Variants in FOXM1 observed in about 807,000 individuals in gnomAD.
FOXM1 encodes the protein forkhead box M1, also known as forkhead box protein M1.
A neutral mutation model predicts 63.6 loss-of-function variants in FOXM1; 25 were observed. The observed-to-expected ratio is 0.39, with a 90% confidence interval of 0.29 to 0.55. The LOEUF is 0.55. FOXM1 is among the 20% of genes least tolerant of loss of function. The pLI, the probability that FOXM1 is intolerant of heterozygous loss-of-function variation, is 0.60. For synonymous variants in FOXM1, 387 were observed against 376.9 expected (o/e 1.03, Z -0.31); for missense variants, 879 against 958.7 (o/e 0.92, Z 1.10).
Position 2,874,303 on chromosome 12 carries a change from G to A in FOXM1, c.176C>T (p.Pro59Leu). The change falls in exon 2 of 9, where the codon CCA becomes CTA. Residue 59 changes from proline to leucine, a missense_variant. Physicochemically the swap from Pro to Leu is moderately conservative, Grantham distance 98. Around this residue, in one of 4 missense-constraint regions of FOXM1, gnomAD observed 255 missense variants for 292.4 expected, o/e 0.87. Coordinates refer to ENST00000359843, the MANE Select transcript of FOXM1 (RefSeq NM_021953.4). This position sits in a 1 kb window ranked among gnomAD's most constrained non-coding sequence, Gnocchi z 4.3. ...GTGGTTAATAATCTTGATCCCAGCT[G>A]GAAACTTGCAAGAGTTGGACTCTGC... is the stretch of plus-strand genomic sequence containing the variant. Reference protein sequence around the residue: ...EVAESNSCKFPAGIKIINHPT... With the variant: ...EVAESNSCKFLAGIKIINHPT... 2 of 1,614,132 alleles carry A rather than the reference G, an allele frequency of 1.2e-6. No individual in the cohort carries two copies. The highest frequency in any genetic ancestry group is 1.1e-5 in the South Asian group (1 of 91,078).
rs1214228509 is a variant in FOXM1, at chr12:2,857,924, T to A, written c.*714A>T. 2.0e-5 allele frequency: 3 copies of A among 152,470 alleles called. No homozygotes were observed. The East Asian group carries it at 5.8e-4, about 29-fold the overall frequency. 9.4% of individuals were successfully genotyped at this position (152,470 alleles called of 1,614,324 possible). A position where few individuals can be genotyped will look rare whatever the true frequency, so the allele number is the denominator to read the frequency against. On this transcript the variant is annotated 3_prime_UTR_variant, in exon 9 of 9. Coordinates refer to ENST00000359843, the MANE Select transcript of FOXM1 (RefSeq NM_021953.4). ...ATAGCGCACATCTGGGCACCCACACTCTGCTTCAGTTGCATCCATCCTCCC... is the reference window on the plus strand; with the variant it reads ...ATAGCGCACATCTGGGCACCCACACACTGCTTCAGTTGCATCCATCCTCCC...
chr12:2,862,355 T>C (rs541579728), intron 8 of FOXM1, among the ~76,000 whole-genome samples: 98 of 152,136 alleles, frequency 6.4e-4, no homozygotes, highest in African/African-American at 2.2e-3. Context: ...ACCAGTTATC[T>C]TGGGAGTAGG....
In FOXM1 at chr12:2,859,600, G is replaced by T; in HGVS notation, c.1330C>A (p.Leu444Ile). The T allele has an allele frequency of 6.2e-7, 1 of 1,613,432 alleles. No individual in the cohort carries two copies. The highest frequency in any genetic ancestry group is 8.5e-7 in the Non-Finnish European group (1 of 1,179,812). ...GGAGAAAACCCTTCTCCAAACAGGA[G>T]TTTCTCCTCTTTCCCTGGTCCTGCA... ...SSAGPGKEEK[L>I]LFGEGFSPLL... The change falls in exon 9 of 9, where the codon CTC (leucine) becomes ATC (isoleucine). Residue 444 changes from leucine to isoleucine, a missense_variant. This residue lies in a region of FOXM1 where 486 missense variants were observed against 453.5 expected (regional missense o/e 1.07). Coordinates refer to ENST00000359843, the MANE Select transcript of FOXM1 (RefSeq NM_021953.4).
intron 4 of FOXM1, among the ~76,000 whole-genome samples, chr12:2,867,812 C>T (rs1034910774): frequency 6.9e-6 from 1 of 145,226 alleles, no homozygotes; most frequent in African/African-American, 2.6e-5. Flanking sequence ...ACTGTCTCTA[C>T]TAAAAATACA....
Position 2,870,957 on chromosome 12 carries a change from C to CAAAAAAAAAA in FOXM1, c.654+1129_654+1138dup, listed in dbSNP as rs11310343. Among the ~76,000 whole-genome samples the CAAAAAAAAAA allele has an allele frequency of 1.3e-4, 5 of 39,112 alleles. 1 individual carries two copies. Among genetic ancestry groups the CAAAAAAAAAA allele is most frequent in the African/African-American group, 4.4e-4 (5 of 11,238 alleles). 25.7% of individuals were successfully genotyped at this position (39,112 alleles called of 152,430 possible). ...TAGGAGACAGAGAAAGACTACGTCT[C>CAAAAAAAAAA]AAAAAAAAAAAAAAAAAAAAAAAAA... On this transcript the variant is annotated intron_variant, in intron 3 of 8. Transcript: ENST00000359843.
intron 8 of FOXM1, chr12:2,859,882 G>C (rs1004178800): frequency 1.9e-6 from 1 of 537,954 alleles, no homozygotes; most frequent in Non-Finnish European, 3.3e-6. Flanking sequence ...TCATCCGAGA[G>C]GAAATAAAAT....
Position 2,874,021 on chromosome 12 carries a change from G to A in FOXM1, c.458C>T (p.Pro153Leu). The A allele has an allele frequency of 6.2e-7, 1 of 1,614,108 alleles. No homozygotes were observed. Among genetic ancestry groups the A allele is most frequent in the Non-Finnish European group, 8.5e-7 (1 of 1,180,006 alleles). The change falls in exon 2 of 9, where the codon CCT (proline) becomes CTT (leucine). Residue 153 changes from proline (P) to leucine (L), a missense_variant. Pro to Leu is a moderately conservative substitution (Grantham distance 98, BLOSUM62 -3). Coordinates refer to ENST00000359843, the MANE Select transcript of FOXM1 (RefSeq NM_021953.4). This position sits in a 1 kb window ranked among gnomAD's most constrained non-coding sequence, Gnocchi z 4.3. ...CTCGCAAAGGGCTCCAGGTGGTCTA[G>A]GAAGATTCACATCCCTAGCTGCAGG... The part of the protein sequence containing the change: ...PKPAARDVNL[P>L]RPPGALCEQK...
chr12:2,864,228 T>C lies in FOXM1; in HGVS notation c.1266+92A>G. 1 of 1,173,930 alleles carries C rather than the reference T, an allele frequency of 8.5e-7. No homozygotes were observed. The highest frequency in any genetic ancestry group is 1.2e-6 in the Non-Finnish European group (1 of 823,150). The allele number at this position is 1,173,930 out of a possible 1,614,324, so 72.7% of individuals were successfully genotyped here. ...TCTACCCAACTAGATTTATAAGCTC[T>C]CAAGGAACACTTATCAGAGTGCTTT... On this transcript the variant is annotated intron_variant, in intron 8 of 8. Coordinates refer to ENST00000359843, the MANE Select transcript of FOXM1 (RefSeq NM_021953.4). The surrounding 1 kb of genome is among the most constrained non-coding windows in gnomAD (Gnocchi z 5.1).
At chr12:2,876,116 AT>A (rs1303084821) in intron 1 of FOXM1, 2 of 152,076 alleles carry the variant, frequency 1.3e-5, no homozygotes, top group African/African-American at 4.8e-5. Context: ...AAATTGTGTA[AT>A]TCTATTTCAC....
chr12:2,874,494 T>C lies in FOXM1; in HGVS notation c.-16A>G. The C allele has an allele frequency of 6.3e-6, 10 of 1,591,372 alleles. No individual in the cohort carries two copies. Among genetic ancestry groups the C allele is most frequent in the Non-Finnish European group, 8.5e-6 (10 of 1,171,344 alleles). On this transcript the variant is annotated 5_prime_UTR_variant, in exon 2 of 9. Coordinates refer to ENST00000359843, the MANE Select transcript of FOXM1 (RefSeq NM_021953.4). The surrounding 1 kb of genome is among the most constrained non-coding windows in gnomAD (Gnocchi z 4.3). ...TAGTTTTCATTATGAATCTGCGTTT[T>C]CACTCTCCATTGAGAATCACAAGTG...
intron 4 of FOXM1, among the ~76,000 whole-genome samples, chr12:2,867,443 AAAAC>A (rs764694069): frequency 2.2e-4 from 33 of 152,252 alleles, no homozygotes; most frequent in Admixed American, 1.4e-3. Context: ...CCTGTCTCAA[AAAAC>A]AAACAAACAA....
intron 2 of FOXM1, 60 bp downstream of exon 2, chr12:2,873,917 C>T (rs1163588538): frequency 1.7e-5 from 26 of 1,539,814 alleles, no homozygotes; most frequent in Non-Finnish European, 2.3e-5. Flanking sequence ...TGACTACACA[C>T]CTTGCCACTA....
At chr12:2,862,182 A>G (rs953710255) in intron 8 of FOXM1, among the ~76,000 whole-genome samples, 13 of 126,838 alleles carry the variant, frequency 1.0e-4, no homozygotes, top group Non-Finnish European at 1.9e-4. Flanking sequence ...CCGTCTCAGG[A>G]AAAAAAAAAA....
At chr12:2,868,298 TGA>T (rs2098127211) in intron 4 of FOXM1, 3 of 323,728 alleles carry the variant, frequency 9.3e-6, no homozygotes, top group Non-Finnish European at 1.7e-5. Flanking sequence ...GGACGGCTGT[TGA>T]GTGTAGCAGA....
chr12:2,873,417 A>C (rs2098136599), intron 2 of FOXM1, among the ~76,000 whole-genome samples: 1 of 150,720 alleles, frequency 6.6e-6, no homozygotes, highest in Non-Finnish European at 1.5e-5. Context: ...AAAAAAAAAA[A>C]AGAAGGAAAA....
chr12:2,870,957 C>CAAA (rs11310343), intron 3 of FOXM1, among the ~76,000 whole-genome samples: 560 of 38,948 alleles, frequency 0.014, 28 homozygotes, highest in African/African-American at 0.042. Flanking sequence ...GACTACGTCT[C>CAAA]AAAAAAAAAA....
rs1354174391 is a variant in FOXM1 at position 2,864,744 on chromosome 12, T to C, written c.1029A>G (p.Lys343=). The change falls in exon 7 of 9, where the codon AAA becomes AAG. Residue 343 remains lysine, a synonymous_variant. Transcript: ENST00000359843. The surrounding 1 kb of genome is among the most constrained non-coding windows in gnomAD (Gnocchi z 5.1). ...TCCGGCGGAGCTCTGGATTCGGTCG[T>C]TTCTGCTGCTGCTTGTGGCAGATGG... is the stretch of plus-strand genomic sequence containing the variant. The part of the protein sequence containing the change: ...QLPEHLESQQ[K]RPNPELRRNM... The C allele has an allele frequency of 3.7e-6, 6 of 1,614,028 alleles. No individual in the cohort carries two copies. Among genetic ancestry groups the C allele is most frequent in the Non-Finnish European group, 5.1e-6 (6 of 1,180,038 alleles).
chr12:2,860,267 C>CT (rs2098108283), intron 8 of FOXM1, among the ~76,000 whole-genome samples: 1 of 152,154 alleles, frequency 6.6e-6, no homozygotes, highest in East Asian at 1.9e-4. Context: ...CTGCAAGACA[C>CT]TGAGGCCAGT....
At chr12:2,875,677 T>G (rs765634191) in intron 1 of FOXM1, among the ~76,000 whole-genome samples, 1 of 152,136 alleles carries the variant, frequency 6.6e-6, no homozygotes, top group South Asian at 2.1e-4. Context: ...AGTACCACAA[T>G]GAGCTATCAT....
Sources: gnomAD v4.1 joint callset for allele counts (sites outside exome capture counted in the v4.1 genomes callset) on GRCh38, gnomAD v4.1.1 for gene constraint, gnomAD v4.1.1 regional missense constraint, Gnocchi (gnomAD v3.1) non-coding constraint, MANE v1.5 for transcripts, NCBI Gene and HGNC (gene_info 2026-07-23, HGNC 2026-07-21) for gene names.